SLC9A4: variants seen among roughly 807,000 people sequenced by gnomAD.
SLC9A4 encodes solute carrier family 9 member A4, also known as sodium/hydrogen exchanger 4.
In SLC9A4, 63 loss-of-function variants were observed where a neutral mutation model predicts 67.4. The observed-to-expected ratio is 0.93, with a 90% CI of 0.76 to 1.15. The LOEUF is 1.15. SLC9A4 is among the 50% of genes most tolerant of loss of function. The pLI is 0.00. For synonymous variants in SLC9A4, 393 were observed against 367.2 expected, an observed-to-expected ratio of 1.07 and a Z score of -0.80; for missense variants, 1,089 against 987.7, an observed-to-expected ratio of 1.10 and a Z score of -1.38.
chr2:102,487,052 G>A (rs1363865665), intron 2 of SLC9A4, among the ~76,000 whole-genome samples: 2 of 152,204 alleles, frequency 1.3e-5, no homozygotes, highest in African/African-American at 4.8e-5. Context: ...CTGTTGGGGA[G>A]GGCAGGAGTC....
chr2:102,525,726 G>A (rs145920689), intron 10 of SLC9A4, among the ~76,000 whole-genome samples: 148 of 152,176 alleles, frequency 9.7e-4, no homozygotes, highest in African/African-American at 3.4e-3. Context: ...GTGGGGATAC[G>A]AGAGTAACTT....
At chr2:102,519,168 G>A (rs1488344528) in intron 8 of SLC9A4, among the ~76,000 whole-genome samples, 4 of 152,196 alleles carry the variant, frequency 2.6e-5, no homozygotes, top group African/African-American at 9.6e-5. Flanking sequence ...CCTTTCAGAG[G>A]TGGGAAGGGG....
chr2:102,531,954 C>T (rs1674786245), intron 11 of SLC9A4, among the ~76,000 whole-genome samples: 1 of 152,214 alleles, frequency 6.6e-6, no homozygotes, highest in Non-Finnish European at 1.5e-5. Context: ...TTTCAGATGG[C>T]TGCACCACAT....
chr2:102,506,620 G>A (rs571724638), intron 4 of SLC9A4, among the ~76,000 whole-genome samples: 22 of 152,130 alleles, frequency 1.4e-4, no homozygotes, highest in South Asian at 1.0e-3. Context: ...ACTCAAAATC[G>A]TCTCCCTCAA....
At chr2:102,525,829 A>G (rs1018494680) in intron 10 of SLC9A4, among the ~76,000 whole-genome samples, 3 of 152,162 alleles carry the variant, frequency 2.0e-5, no homozygotes, top group Non-Finnish European at 4.4e-5. Flanking sequence ...CAAAAAAACT[A>G]AAAGCCAGTA....
At chr2:102,520,192 G>A (rs1455944686) in intron 9 of SLC9A4, among the ~76,000 whole-genome samples, 1 of 152,132 alleles carries the variant, frequency 6.6e-6, no homozygotes, top group African/African-American at 2.4e-5. Flanking sequence ...CGTCTCTAGG[G>A]GGCAGGCTGC....
At chr2:102,512,700 T>G (rs1685189881) in intron 7 of SLC9A4, among the ~76,000 whole-genome samples, 1 of 152,084 alleles carries the variant, frequency 6.6e-6, no homozygotes, top group Admixed American at 6.6e-5. Flanking sequence ...TCTTTAAGAT[T>G]CTCAAATATA....
At position 102,525,263 on chromosome 2, in the gene SLC9A4, C is replaced by A. The variant is rs1243281730; in HGVS notation, c.1950+108C>A. On this transcript the variant is annotated intron_variant, in intron 10 of 11. Coordinates refer to ENST00000295269, the MANE Select transcript of SLC9A4 (RefSeq NM_001011552.4). ...ACATGCATGACCATCGATGCTTAAA[C>A]AAACAAAACCCCACCTTGTTACCTG... 9 of 1,499,770 alleles carry A rather than the reference C, an allele frequency of 6.0e-6. No homozygotes were observed. The African/African-American group carries it at 1.1e-4, about 19-fold the overall frequency. 92.9% of individuals were successfully genotyped at this position (1,499,770 alleles called of 1,614,324 possible).
At chr2:102,513,670 T>C (rs1181737072) in intron 7 of SLC9A4, among the ~76,000 whole-genome samples, 1 of 152,248 alleles carries the variant, frequency 6.6e-6, no homozygotes, top group East Asian at 1.9e-4. Flanking sequence ...TCTGGTTGAA[T>C]AGGCCAGTAT....
At chr2:102,521,302 A>T (rs764266619) in intron 9 of SLC9A4, among the ~76,000 whole-genome samples, 1 of 152,172 alleles carries the variant, frequency 6.6e-6, no homozygotes, top group Non-Finnish European at 1.5e-5. Context: ...AGTTTCCAAG[A>T]TAGCATCCTT....
Position 102,473,860 on chromosome 2 carries a change from C to G in SLC9A4, c.101C>G (p.Ala34Gly), listed in dbSNP as rs369689038. ...GCATCTTCTGATTTGAATGAATCTG[C>G]AAATTCCACTGCTCAGTATGCATCT... ...SEASSDLNES[A>G]NSTAQYASNA... Residue 34 changes from alanine to glycine, a missense_variant, in exon 1 of 12, where the codon GCA becomes GGA. Coordinates refer to ENST00000295269, the MANE Select transcript of SLC9A4 (RefSeq NM_001011552.4). 1 of 1,614,100 alleles carries G rather than the reference C, an allele frequency of 6.2e-7. No individual in the cohort carries two copies. Among genetic ancestry groups the G allele is most frequent in the Middle Eastern group, 1.6e-4 (1 of 6,062 alleles).
At chr2:102,489,215 A>G (rs1209794893) in intron 2 of SLC9A4, among the ~76,000 whole-genome samples, 3 of 152,226 alleles carry the variant, frequency 2.0e-5, no homozygotes, top group Non-Finnish European at 4.4e-5. Flanking sequence ...GTGGGGAGTG[A>G]AGGAGGAGAG....
At chr2:102,483,626 A>G (rs1684513305) in intron 2 of SLC9A4, among the ~76,000 whole-genome samples, 1 of 151,858 alleles carries the variant, frequency 6.6e-6, no homozygotes, top group Admixed American at 6.6e-5. Flanking sequence ...TGAATATTTT[A>G]GGTTATGACA....
chr2:102,496,652 T>G (rs1426725831), intron 2 of SLC9A4, among the ~76,000 whole-genome samples: 1 of 152,214 alleles, frequency 6.6e-6, no homozygotes, highest in Non-Finnish European at 1.5e-5. Context: ...GTAGGACAAT[T>G]GTAGGGAAAG....
chr2:102,526,761 G>A (rs1007848134), intron 11 of SLC9A4, among the ~76,000 whole-genome samples: 1 of 151,534 alleles, frequency 6.6e-6, no homozygotes, highest in Admixed American at 6.6e-5. Flanking sequence ...CTCCAAAGCT[G>A]GTTTAATTTC....
intron 3 of SLC9A4, 44 bp downstream of exon 3, chr2:102,503,751 A>G (rs775298932): frequency 6.3e-7 from 1 of 1,598,188 alleles, no homozygotes; most frequent in Non-Finnish European, 8.5e-7. Context: ...ATAGAAAGAA[A>G]GTTTAGAACC....
chr2:102,489,719 T>A (rs1275302601), intron 2 of SLC9A4, among the ~76,000 whole-genome samples: 1 of 152,222 alleles, frequency 6.6e-6, no homozygotes, highest in African/African-American at 2.4e-5. Flanking sequence ...TGAACATGGA[T>A]GAACACCTTG....
rs1274368818 is a variant in SLC9A4 at position 102,492,669 on chromosome 2, CTGCTGTG to C, written c.721-10778_721-10772del. Among the ~76,000 whole-genome samples the C allele has an allele frequency of 2.2e-4, 34 of 152,336 alleles. No individual in the cohort carries two copies. In the East Asian group the frequency reaches 6.4e-3, roughly 29 times the overall value. On this transcript the variant is annotated intron_variant, in intron 2 of 11. Transcript: ENST00000295269. ...GCCTCCAGCCATGTGATGGGAGGGA[CTGCTGTG>C]AAGGTCTCTGATATGTCCTGGAGAC...
At chr2:102,480,288 G>T (rs368928603) in intron 2 of SLC9A4, among the ~76,000 whole-genome samples, 2 of 151,292 alleles carry the variant, frequency 1.3e-5, no homozygotes, top group South Asian at 2.1e-4. Flanking sequence ...ATGTGTGTGT[G>T]ATCTGTATTT....
Sources: gnomAD v4.1 joint callset for allele counts (sites outside exome capture counted in the v4.1 genomes callset) on GRCh38, gnomAD v4.1.1 for gene constraint, MANE v1.5 for transcripts, NCBI Gene and HGNC (gene_info 2026-07-23, HGNC 2026-07-21) for gene names.